The following RAB10 variants were observed in gnomAD, a reference collection of about 807,000 sequenced individuals.
RAB10 encodes RAB10, member RAS oncogene family, also known as ras-related protein Rab-10.
A neutral mutation model predicts 25.7 loss-of-function variants in RAB10; 5 were observed. The ratio of observed to expected loss-of-function variants is 0.19; its 90% CI spans 0.10 to 0.41. The LOEUF (loss-of-function observed/expected upper bound fraction) is 0.41. RAB10 is among the 10% of genes least tolerant of loss of function. The pLI is 1.00. For synonymous variants in RAB10, 89 were observed against 86.4 expected, an observed-to-expected ratio of 1.03 and a Z score of -0.16; for missense variants, 103 against 245.8, an observed-to-expected ratio of 0.42 and a Z score of 3.89.
intron 1 of RAB10, among the ~76,000 whole-genome samples, chr2:26,066,929 C>G (rs1309233566): frequency 6.6e-6 from 1 of 152,028 alleles, no homozygotes; most frequent in Non-Finnish European, 1.5e-5. Flanking sequence ...ACTACAGGCA[C>G]ATGCCACCAC....
intron 1 of RAB10, among the ~76,000 whole-genome samples, chr2:26,062,182 A>G (rs1384347709): frequency 6.6e-6 from 1 of 152,242 alleles, no homozygotes; most frequent in East Asian, 1.9e-4. Flanking sequence ...AATTTTAAAA[A>G]GTAGTGCCTG....
At chr2:26,070,042 G>C (rs1666592163) in intron 1 of RAB10, among the ~76,000 whole-genome samples, 1 of 152,182 alleles carries the variant, frequency 6.6e-6, no homozygotes, top group Admixed American at 6.5e-5. Flanking sequence ...GTTTGGGGGA[G>C]GTGTGTGTGT....
At chr2:26,087,889 A>G (rs1411640179) in intron 1 of RAB10, among the ~76,000 whole-genome samples, 10 of 152,204 alleles carry the variant, frequency 6.6e-5, no homozygotes, top group Admixed American at 6.5e-4. Flanking sequence ...AAACTTTCAC[A>G]TTCTACATTT....
At chr2:26,114,433 A>G (rs1667641287) in intron 3 of RAB10, among the ~76,000 whole-genome samples, 1 of 152,156 alleles carries the variant, frequency 6.6e-6, no homozygotes, top group South Asian at 2.1e-4. Context: ...CTAAAAATAA[A>G]CTCTTACATA....
At chr2:26,063,729 A>G (rs1179234274) in intron 1 of RAB10, among the ~76,000 whole-genome samples, 1 of 152,236 alleles carries the variant, frequency 6.6e-6, no homozygotes, top group Admixed American at 6.5e-5. Flanking sequence ...TCCTTAATCT[A>G]GAACAGATCC....
chr2:26,133,673 C>A (rs1438671082), intron 5 of RAB10, among the ~76,000 whole-genome samples: 1 of 150,420 alleles, frequency 6.6e-6, no homozygotes, highest in Non-Finnish European at 1.5e-5. Flanking sequence ...TTTTCTTTTT[C>A]TTTTTCTTTT....
chr2:26,070,281 C>G (rs1211697680), intron 1 of RAB10, among the ~76,000 whole-genome samples: 1 of 151,996 alleles, frequency 6.6e-6, no homozygotes, highest in African/African-American at 2.4e-5. Context: ...CTTGAGAGCT[C>G]AAAAGGAAAT....
chr2:26,121,248 G>GTA (rs1171271986), intron 3 of RAB10, among the ~76,000 whole-genome samples: 1 of 152,138 alleles, frequency 6.6e-6, no homozygotes, highest in Non-Finnish European at 1.5e-5. Flanking sequence ...TCTACTAAGG[G>GTA]TATCGTCCTT....
intron 2 of RAB10, chr2:26,101,889 G>A (rs1488572790): frequency 6.6e-6 from 1 of 152,210 alleles, no homozygotes; most frequent in African/African-American, 2.4e-5. Flanking sequence ...GACATCCTTA[G>A]GAAAAAGTGA....
intron 3 of RAB10, among the ~76,000 whole-genome samples, chr2:26,118,445 G>C (rs1198035623): frequency 6.6e-6 from 1 of 151,610 alleles, no homozygotes; most frequent in African/African-American, 2.4e-5. Flanking sequence ...GGCCGGGGGT[G>C]GGGTGGGGGT....
intron 1 of RAB10, among the ~76,000 whole-genome samples, chr2:26,094,552 GTATT>G (rs1667171945): frequency 2.0e-5 from 3 of 148,298 alleles, no homozygotes. Context: ...GCACCTGGCC[GTATT>G]TATTTATTAT....
chr2:26,041,543 C>CAAAAAA lies in RAB10; in HGVS notation c.127+6826_127+6831dup, dbSNP rs1230627488. 1.0e-3 allele frequency among the ~76,000 whole-genome samples: 46 copies of CAAAAAA among 44,610 alleles called. 1 individual carries two copies. The highest frequency in any genetic ancestry group is 3.6e-3 in the African/African-American group (43 of 11,802). 29.3% of individuals were successfully genotyped at this position (44,610 alleles called of 152,430 possible). On this transcript the variant is annotated intron_variant, in intron 1 of 5. Transcript: ENST00000264710. The stretch of plus-strand genomic sequence containing the variant: ...GGGTGACAAGAGTGAGACGCTGACT[C>CAAAAAA]AAAAAAAAAAAAAAAAAAAAAAAGA...
At chr2:26,106,623 C>T (rs1413801083) in intron 2 of RAB10, among the ~76,000 whole-genome samples, 9 of 152,208 alleles carry the variant, frequency 5.9e-5, no homozygotes, top group African/African-American at 1.7e-4. Flanking sequence ...CGGTGGCTCA[C>T]GCCTATAACC....
intron 1 of RAB10, among the ~76,000 whole-genome samples, chr2:26,040,496 C>CAA (rs1665861028): frequency 6.6e-6 from 1 of 151,820 alleles, no homozygotes; most frequent in Non-Finnish European, 1.5e-5. Flanking sequence ...CCCATCTCTG[C>CAA]AAAAACAAAA....
rs556315386 is a variant in RAB10 at position 26,106,346 on chromosome 2, A to G, written c.189-3422A>G. Among the ~76,000 whole-genome samples, 71 of 152,310 alleles carry G rather than the reference A, an allele frequency of 4.7e-4. 2 individuals carry two copies. The South Asian group carries it at 0.013, about 27-fold the overall frequency. ...ATCTGGTTGTAAAGCTTTTTATTTA[A>G]CCATAGTAATCTAGGACAGTATGGT... On this transcript the variant is annotated intron_variant, in intron 2 of 5. Transcript: ENST00000264710.
chr2:26,059,593 G>T (rs562683405), intron 1 of RAB10, among the ~76,000 whole-genome samples: 1 of 152,082 alleles, frequency 6.6e-6, no homozygotes, highest in Non-Finnish European at 1.5e-5. Flanking sequence ...AATTAAAAAT[G>T]GAATTACCAT....
At chr2:26,132,714 A>C (rs1668033447) in intron 5 of RAB10, among the ~76,000 whole-genome samples, 1 of 152,022 alleles carries the variant, frequency 6.6e-6, no homozygotes, top group Non-Finnish European at 1.5e-5. Context: ...ACTCAACTTC[A>C]ACTTAATAAA....
chr2:26,070,758 G>A (rs1028853696), intron 1 of RAB10, among the ~76,000 whole-genome samples: 15 of 152,018 alleles, frequency 9.9e-5, no homozygotes, highest in Admixed American at 9.8e-4. Flanking sequence ...TTATTGCAAG[G>A]AGCAAATGAA....
chr2:26,117,563 C>T (rs1667715850), intron 3 of RAB10, among the ~76,000 whole-genome samples: 1 of 141,344 alleles, frequency 7.1e-6, no homozygotes, highest in Non-Finnish European at 1.5e-5. Flanking sequence ...TGCAGTGAGC[C>T]AAGGTCGTGC....
Sources: gnomAD v4.1 joint callset for allele counts (sites outside exome capture counted in the v4.1 genomes callset) on GRCh38, gnomAD v4.1.1 for gene constraint, MANE v1.5 for transcripts, NCBI Gene and HGNC (gene_info 2026-07-23, HGNC 2026-07-21) for gene names.